The following DPH5 variants were observed in gnomAD, a reference collection of about 807,000 sequenced individuals.
DPH5 encodes diphthamide biosynthesis 5, also known as diphthine methyl ester synthase.
A neutral mutation model predicts 31.6 loss-of-function variants in DPH5; 31 were observed. The ratio of observed to expected loss-of-function variants is 0.98; its 90% CI spans 0.74 to 1.32. The LOEUF is 1.32. DPH5 is among the 40% of genes most tolerant of loss of function. The pLI is 0.00. For synonymous variants in DPH5, 120 were observed against 115.0 expected, an observed-to-expected ratio of 1.04 and a Z score of -0.28; for missense variants, 309 against 335.7, an observed-to-expected ratio of 0.92 and a Z score of 0.62.
intron 6 of DPH5, among the ~76,000 whole-genome samples, chr1:100,993,603 T>TATATATATATATC (rs1475519347): frequency 7.6e-6 from 1 of 132,130 alleles, no homozygotes; most frequent in African/African-American, 2.8e-5. Context: ...TATATAGCTA[T>TATATATATATATC]TGTGGCTTAC....
At chr1:101,021,817 A>AACGC (rs1660470015) in intron 2 of DPH5, 52 bp from the exon 3 acceptor site, 3 of 737,888 alleles carry the variant, frequency 4.1e-6, no homozygotes, top group African/African-American at 1.9e-5. Context: ...TGACCATTCT[A>AACGC]ACACACACAC....
chr1:101,021,523 G>A (rs1660440895), intron 3 of DPH5, 118 bp downstream of exon 3: 1 of 1,002,934 alleles, frequency 1.0e-6, no homozygotes. Flanking sequence ...TAGCGCTTAA[G>A]TAACCAGAGT....
At chr1:100,993,559 A>AATATAAATATATATATATATATATATAT (rs1553247258) in intron 6 of DPH5, among the ~76,000 whole-genome samples, 1 of 56,544 alleles carries the variant, frequency 1.8e-5, no homozygotes, top group African/African-American at 6.3e-5. Flanking sequence ...CGAAAATATA[A>AATATAAATATATATATATATATATATAT]ATATATATAT....
intron 2 of DPH5, 51 bp from the exon 3 acceptor site, chr1:101,021,816 TAACA>T (rs1558052991): frequency 2.7e-6 from 3 of 1,091,560 alleles, no homozygotes; most frequent in East Asian, 3.2e-5. Context: ...GTGACCATTC[TAACA>T]CACACACACA....
In DPH5 at chr1:101,011,162, T is replaced by C. The variant is rs190851226; in HGVS notation, c.369+2548A>G. Among the ~76,000 whole-genome samples, 46 of 152,380 alleles carry C rather than the reference T, an allele frequency of 3.0e-4. No individual in the cohort carries two copies. In the East Asian group the frequency reaches 8.7e-3, roughly 29 times the overall value. On this transcript the variant is annotated intron_variant, in intron 4 of 7. Transcript: ENST00000370109. ...AGACTTTGTCAAAGTACTTGCATTA[T>C]GCAGGATATCTATACATTTATTTTA... is the stretch of plus-strand genomic sequence containing the variant.
chr1:100,991,981 T>C (rs1013710639), intron 7 of DPH5, among the ~76,000 whole-genome samples: 2 of 151,572 alleles, frequency 1.3e-5, no homozygotes, highest in African/African-American at 4.9e-5. Flanking sequence ...CATGGTGGCA[T>C]GCACTTGTAG....
chr1:101,021,486 T>C (rs1270041705), intron 3 of DPH5, among the ~76,000 whole-genome samples, 155 bp downstream of exon 3: 1 of 152,222 alleles, frequency 6.6e-6, no homozygotes, highest in Non-Finnish European at 1.5e-5. Context: ...TCAAAGATCA[T>C]GAAAGTTTAA....
chr1:101,025,428 C>T lies in DPH5; in HGVS notation c.16G>A (p.Gly6Arg), dbSNP rs1426972042. The T allele has an allele frequency of 1.2e-6, 2 of 1,614,088 alleles. No individual in the cohort carries two copies. The highest frequency in any genetic ancestry group is 1.7e-6 in the Non-Finnish European group (2 of 1,179,998). ...TCCTTGGCATCTCCCAGGCCCAACCCGATGAGATAAAGCATTTCAAACTTG... is the reference window on the plus strand; with the variant it reads ...TCCTTGGCATCTCCCAGGCCCAACCTGATGAGATAAAGCATTTCAAACTTG... The part of the protein sequence containing the change: MLYLI[G>R]LGLGDAKDIT... Residue 6 changes from glycine to arginine, a missense_variant, in exon 2 of 8, where the codon GGG (glycine) becomes AGG (arginine). Coordinates refer to ENST00000370109, the MANE Select transcript of DPH5 (RefSeq NM_015958.3).
In DPH5 at chr1:101,001,505, T is replaced by C; in HGVS notation, c.452A>G (p.Lys151Arg). ...RPESFFDKVK[K>R]NRQNGMHTLC... ...TGTGTGCATGCCATTTTGTCTGTTC[T>C]TCTTCACTTTGTCAAAGAAGCTTTC... is the stretch of plus-strand genomic sequence containing the variant. The change falls in exon 5 of 8, where the codon AAG (lysine) becomes AGG (arginine). Residue 151 changes from lysine (K) to arginine (R), a missense_variant. By Grantham distance (26) the Lys-to-Arg change is conservative. Transcript: ENST00000370109. 6.2e-7 allele frequency: 1 copy of C among 1,613,906 alleles called. No homozygotes were observed.
intron 6 of DPH5, among the ~76,000 whole-genome samples, chr1:100,994,018 A>C (rs1658105725): frequency 6.6e-6 from 1 of 152,112 alleles, no homozygotes; most frequent in Non-Finnish European, 1.5e-5. Flanking sequence ...CTGGGATTAC[A>C]GGCATGAGCC....
chr1:100,994,777 T>G (rs1355192721), intron 6 of DPH5, among the ~76,000 whole-genome samples: 2 of 152,182 alleles, frequency 1.3e-5, no homozygotes, highest in Non-Finnish European at 2.9e-5. Context: ...TCCACCTGCC[T>G]CAGCCTCCCA....
At chr1:100,993,933 G>A (rs1020193826) in intron 6 of DPH5, among the ~76,000 whole-genome samples, 25 of 151,796 alleles carry the variant, frequency 1.6e-4, no homozygotes, top group African/African-American at 6.0e-4. Flanking sequence ...TAGTACAGAC[G>A]GGGTTTCACC....
chr1:101,014,842 A>G (rs1659953049), intron 3 of DPH5, among the ~76,000 whole-genome samples: 1 of 152,244 alleles, frequency 6.6e-6, no homozygotes, highest in African/African-American at 2.4e-5. Context: ...CAGCATCTTC[A>G]TCAAGAATAG....
At chr1:101,015,932 C>T (rs1660043004) in intron 3 of DPH5, among the ~76,000 whole-genome samples, 1 of 152,332 alleles carries the variant, frequency 6.6e-6, no homozygotes, top group African/African-American at 2.4e-5. Context: ...TAGACTTTAG[C>T]TTAAGGGAAT....
chr1:101,010,392 TTAGA>T lies in DPH5; in HGVS notation c.369+3314_369+3317del, dbSNP rs571565189. ...GAATGTCTGTGTGTATGAAGGAGTG[TTAGA>T]TAGTTATACAACAATTTTTACCATC... On this transcript the variant is annotated intron_variant, in intron 4 of 7. Coordinates refer to ENST00000370109, the MANE Select transcript of DPH5 (RefSeq NM_015958.3). Among the ~76,000 whole-genome samples, 16 of 152,322 alleles carry T rather than the reference TTAGA, an allele frequency of 1.1e-4. No homozygotes were observed. The South Asian group carries it at 2.5e-3, about 24-fold the overall frequency.
chr1:101,004,858 G>A (rs535546068), intron 4 of DPH5, among the ~76,000 whole-genome samples: 1 of 152,326 alleles, frequency 6.6e-6, no homozygotes, highest in East Asian at 1.9e-4. Flanking sequence ...AAGTAACAGA[G>A]GCGGGAAGTC....
At chr1:101,025,167 G>C in intron 2 of DPH5, 142 bp downstream of exon 2, 1 of 1,016,810 alleles carries the variant, frequency 9.8e-7, no homozygotes, top group Non-Finnish European at 1.4e-6. Flanking sequence ...CCATTCTTCT[G>C]CTCCTCAGAT....
At chr1:101,013,563 A>G (rs1359442765) in intron 4 of DPH5, 147 bp downstream of exon 4, 1 of 452,798 alleles carries the variant, frequency 2.2e-6, no homozygotes, top group Non-Finnish European at 3.8e-6. Flanking sequence ...GTGTTAAAAA[A>G]TTCAGTCTAT....
chr1:101,000,807 A>G (rs1658803232), intron 5 of DPH5, among the ~76,000 whole-genome samples: 3 of 152,224 alleles, frequency 2.0e-5, no homozygotes, highest in Admixed American at 6.5e-5. Flanking sequence ...AGAAAACACC[A>G]TGGCTTTCTG....
Sources: allele counts gnomAD v4.1 joint callset (sites outside exome capture counted in the v4.1 genomes callset), GRCh38; gene constraint gnomAD v4.1.1; transcripts MANE v1.5; gene names NCBI Gene and HGNC (gene_info 2026-07-23, HGNC 2026-07-21).